TAF3: variants seen among roughly 807,000 people sequenced by gnomAD.
TAF3 encodes the protein transcription initiation factor TFIID subunit 3.
TAF3 carries 7 observed loss-of-function variants against 80.6 expected under a neutral mutation model. The ratio of observed to expected loss-of-function variants is 0.09; its 90% CI spans 0.05 to 0.16. TAF3 has a LOEUF of 0.16. TAF3 is among the 10% of genes least tolerant of loss of function. The pLI, the probability that TAF3 is intolerant of heterozygous loss-of-function variation, is 1.00. For synonymous variants in TAF3, 444 were observed against 446.1 expected (o/e 1.00, Z 0.06); for missense variants, 921 against 1,140.2 (o/e 0.81, Z 2.77).
chr10:7,906,861 G>T (rs544741070), intron 2 of TAF3, among the ~76,000 whole-genome samples: 82 of 151,286 alleles, frequency 5.4e-4, no homozygotes, highest in African/African-American at 1.9e-3. Flanking sequence ...GGGACTGCAG[G>T]CGTGCACCAC....
intron 2 of TAF3, among the ~76,000 whole-genome samples, chr10:7,930,358 AG>A (rs1837856797): frequency 6.6e-6 from 1 of 152,240 alleles, no homozygotes; most frequent in South Asian, 2.1e-4. Context: ...ATCCATGAAT[AG>A]GTTATTAGTG....
Position 7,846,116 on chromosome 10 carries a change from G to A in TAF3, c.409+21556G>A, listed in dbSNP as rs530619999. On this transcript the variant is annotated intron_variant, in intron 2 of 6. Coordinates refer to ENST00000344293, the MANE Select transcript of TAF3 (RefSeq NM_031923.4). ...TGGGACTACAGGCGCCCGCCACCAC[G>A]CCTAGCTAATTTTTTGTGTTTTGGT... Among the ~76,000 whole-genome samples, 8 of 151,936 alleles carry A rather than the reference G, an allele frequency of 5.3e-5. No individual in the cohort carries two copies. In the East Asian group the frequency reaches 7.7e-4, roughly 15 times the overall value.
intron 2 of TAF3, among the ~76,000 whole-genome samples, chr10:7,857,274 C>T (rs1224843101): frequency 1.3e-5 from 2 of 152,238 alleles, no homozygotes; most frequent in Non-Finnish European, 2.9e-5. Context: ...ACAGCCACAG[C>T]TCACTTATAA....
rs142604439 is a variant in TAF3 at position 7,937,204 on chromosome 10, G to A, written c.410-26716G>A. Among the ~76,000 whole-genome samples, 564 of 152,294 alleles carry A rather than the reference G, an allele frequency of 3.7e-3. 4 individuals carry two copies. Among genetic ancestry groups the A allele is most frequent in the South Asian group, 0.02 (95 of 4,826 alleles). On this transcript the variant is annotated intron_variant, in intron 2 of 6. Coordinates refer to ENST00000344293, the MANE Select transcript of TAF3 (RefSeq NM_031923.4). ...AGTTCATTTGGGTAAATGCCAGGGA[G>A]TGTGATTGCTGGATCCTATGGTAAG...
At chr10:7,829,126 T>C (rs1286130851) in intron 2 of TAF3, among the ~76,000 whole-genome samples, 1 of 150,864 alleles carries the variant, frequency 6.6e-6, no homozygotes, top group African/African-American at 2.4e-5. Context: ...TTGGTAAAGA[T>C]ACTGTGAGGT....
chr10:7,983,344 C>T (rs942415328), intron 4 of TAF3, among the ~76,000 whole-genome samples: 2 of 152,108 alleles, frequency 1.3e-5, no homozygotes, highest in Non-Finnish European at 2.9e-5. Flanking sequence ...CAGGCAAAGG[C>T]GATTTATATG....
chr10:8,009,347 C>A lies in TAF3; in HGVS notation c.2568+17C>A, dbSNP rs368391306. Reference sequence around the variant, plus strand: ...ACCTACGTGGTGCGTACCTGCCGCCCGCGCGGTTAGCATGGAGACGTTTTC... The same window carrying A: ...ACCTACGTGGTGCGTACCTGCCGCCAGCGCGGTTAGCATGGAGACGTTTTC... On this transcript the variant is annotated intron_variant, in intron 5 of 6. Transcript: ENST00000344293. The surrounding 1 kb of genome is among the most constrained non-coding windows in gnomAD (Gnocchi z 4.1). 14 of 1,585,858 alleles carry A rather than the reference C, an allele frequency of 8.8e-6. No homozygotes were observed. Among genetic ancestry groups the A allele is most frequent in the Non-Finnish European group, 1.2e-5 (14 of 1,166,158 alleles).
At chr10:7,869,086 A>C (rs1371105661) in intron 2 of TAF3, among the ~76,000 whole-genome samples, 1 of 152,222 alleles carries the variant, frequency 6.6e-6, no homozygotes, top group African/African-American at 2.4e-5. Context: ...GTTAATCTAA[A>C]GATTTCACAT....
intron 2 of TAF3, among the ~76,000 whole-genome samples, chr10:7,829,489 C>A (rs1455316658): frequency 6.6e-6 from 1 of 152,076 alleles, no homozygotes; most frequent in African/African-American, 2.4e-5. Context: ...TTTTTGACGA[C>A]CTTGACAGTT....
intron 2 of TAF3, among the ~76,000 whole-genome samples, chr10:7,952,434 A>T (rs1391499465): frequency 6.6e-6 from 1 of 152,096 alleles, no homozygotes; most frequent in East Asian, 1.9e-4. Context: ...AAAAAGAAGC[A>T]CTCAGAATGC....
At chr10:8,011,568 G>A (rs991300143) in intron 5 of TAF3, among the ~76,000 whole-genome samples, 21 of 152,148 alleles carry the variant, frequency 1.4e-4, no homozygotes, top group Non-Finnish European at 5.9e-5. Context: ...GAGCAACCAC[G>A]CCTGGCCTAT....
intron 2 of TAF3, among the ~76,000 whole-genome samples, chr10:7,947,397 A>C (rs12763771): frequency 0.065 from 9,450 of 145,828 alleles, 378 homozygotes; most frequent in South Asian, 0.16. Context: ...TCCTTCCAGC[A>C]TGAAGCTTAT....
chr10:7,980,886 A>G (rs1831719694), intron 4 of TAF3, among the ~76,000 whole-genome samples: 1 of 152,180 alleles, frequency 6.6e-6, no homozygotes, highest in East Asian at 1.9e-4. Flanking sequence ...CTTACTGTGT[A>G]TTGAGTTTGG....
chr10:7,985,142 A>G (rs1344934740), intron 4 of TAF3, among the ~76,000 whole-genome samples: 1 of 152,210 alleles, frequency 6.6e-6, no homozygotes, highest in East Asian at 1.9e-4. Flanking sequence ...CATTTAGAAT[A>G]TGCACAGTCT....
At chr10:7,858,852 G>A (rs1010673543) in intron 2 of TAF3, among the ~76,000 whole-genome samples, 3 of 152,066 alleles carry the variant, frequency 2.0e-5, no homozygotes, top group African/African-American at 7.2e-5. Context: ...GTCACTGAAT[G>A]TACGTGTGAG....
At chr10:7,960,160 C>A (rs1838175685) in intron 2 of TAF3, among the ~76,000 whole-genome samples, 1 of 152,194 alleles carries the variant, frequency 6.6e-6, no homozygotes, top group Non-Finnish European at 1.5e-5. Context: ...GGAGGAGGTT[C>A]TTTGAAATTT....
intron 3 of TAF3, among the ~76,000 whole-genome samples, chr10:7,974,385 C>G (rs1178870575): frequency 6.6e-6 from 1 of 152,144 alleles, no homozygotes; most frequent in Non-Finnish European, 1.5e-5. Flanking sequence ...AGATGAAATA[C>G]TTATAGGTTA....
intron 2 of TAF3, among the ~76,000 whole-genome samples, chr10:7,836,313 G>T (rs188348486): frequency 8.7e-5 from 13 of 149,344 alleles, no homozygotes; most frequent in African/African-American, 3.2e-4. Context: ...TTTTTGAGAC[G>T]GAGTTTCGCT....
At chr10:7,870,119 A>G (rs1374584501) in intron 2 of TAF3, among the ~76,000 whole-genome samples, 1 of 152,240 alleles carries the variant, frequency 6.6e-6, no homozygotes, top group East Asian at 1.9e-4. Flanking sequence ...AACTTGCTTT[A>G]AGGACTCGCT....
Sources: allele counts gnomAD v4.1 joint callset (sites outside exome capture counted in the v4.1 genomes callset), GRCh38; gene constraint gnomAD v4.1.1; non-coding constraint Gnocchi (gnomAD v3.1); transcripts MANE v1.5; gene names NCBI Gene and HGNC (gene_info 2026-07-23, HGNC 2026-07-21).